The following PARD3 variants were observed in gnomAD, a reference collection of about 807,000 sequenced individuals.
PARD3 encodes the protein par-3 family cell polarity regulator.
In PARD3, 75 loss-of-function variants were observed where a neutral mutation model predicts 155.4. The observed-to-expected ratio is 0.48, with a 90% CI of 0.40 to 0.58. The LOEUF is 0.58. Ranked by LOEUF, PARD3 falls within the 20% of genes least tolerant of loss-of-function variation. The probability of loss-of-function intolerance (pLI) is 0.00; values close to 1 mark genes in which losing one functional copy is unlikely to be tolerated. For synonymous variants in PARD3, 576 were observed against 610.5 expected (o/e 0.94, Z 0.83); for missense variants, 1,642 against 1,721.7 (o/e 0.95, Z 0.82).
intron 22 of PARD3, among the ~76,000 whole-genome samples, chr10:34,265,905 C>G (rs1955277804): frequency 6.6e-6 from 1 of 152,116 alleles, no homozygotes; most frequent in Non-Finnish European, 1.5e-5. Flanking sequence ...AGAAATTCAA[C>G]AGAGAAAAGG....
In PARD3 at chr10:34,480,319, T is replaced by C. The variant is rs113540548; in HGVS notation, c.404-10056A>G. On this transcript the variant is annotated intron_variant, in intron 3 of 24. Transcript: ENST00000374788. ...TGCAAGATCACAGCTCACTGCAGCC[T>C]GGAACTCCTGGGCTTAGTGCTCCTC... Among the ~76,000 whole-genome samples the C allele has an allele frequency of 4.0e-3, 608 of 152,300 alleles. 3 individuals carry two copies. The highest frequency in any genetic ancestry group is 0.014 in the African/African-American group (565 of 41,568).
At chr10:34,745,140 T>C (rs760727927) in intron 1 of PARD3, among the ~76,000 whole-genome samples, 16 of 152,160 alleles carry the variant, frequency 1.1e-4, no homozygotes, top group Non-Finnish European at 1.9e-4. Context: ...GGCAGGAGGA[T>C]CACTTGAGGC....
At chr10:34,329,170 GACACTCT>G (rs1835352829) in intron 19 of PARD3, among the ~76,000 whole-genome samples, 1 of 152,088 alleles carries the variant, frequency 6.6e-6, no homozygotes, top group South Asian at 2.1e-4. Flanking sequence ...ATGTTGGTGG[GACACTCT>G]GGAGGCTATC....
intron 22 of PARD3, among the ~76,000 whole-genome samples, chr10:34,192,815 C>CCAAGTACTTCATAGAA (rs1310563570): frequency 6.6e-6 from 1 of 152,182 alleles, no homozygotes; most frequent in Non-Finnish European, 1.5e-5. Context: ...CCAAGTACCA[C>CCAAGTACTTCATAGAA]GTGCCATTTC....
intron 18 of PARD3, 77 bp downstream of exon 18, chr10:34,336,122 T>C (rs1160705018): frequency 1.1e-5 from 11 of 1,035,310 alleles, no homozygotes; most frequent in South Asian, 6.4e-5. Context: ...ACATGGCATA[T>C]GATTGGCAGC....
At chr10:34,426,455 G>A (rs1387591176) in intron 5 of PARD3, among the ~76,000 whole-genome samples, 1 of 152,080 alleles carries the variant, frequency 6.6e-6, no homozygotes, top group African/African-American at 2.4e-5. Flanking sequence ...GTATTTTTTT[G>A]TAGAAAAGAG....
At chr10:34,234,120 CT>C (rs1245011081) in intron 22 of PARD3, among the ~76,000 whole-genome samples, 2 of 152,024 alleles carry the variant, frequency 1.3e-5, no homozygotes, top group Non-Finnish European at 2.9e-5. Flanking sequence ...GATGTAACTA[CT>C]TTGTAATCAA....
chr10:34,181,337 C>T (rs1950257555), intron 22 of PARD3, among the ~76,000 whole-genome samples: 1 of 152,168 alleles, frequency 6.6e-6, no homozygotes, highest in Admixed American at 6.5e-5. Context: ...ATCCAGTTAA[C>T]AAAAGTTGGG....
At chr10:34,529,509 C>G (rs1052895726) in intron 2 of PARD3, among the ~76,000 whole-genome samples, 15 of 152,248 alleles carry the variant, frequency 9.9e-5, no homozygotes, top group African/African-American at 3.6e-4. Context: ...TAGAACAATG[C>G]AGGGATGCAA....
At chr10:34,605,724 C>CTATA (rs1349168845) in intron 2 of PARD3, among the ~76,000 whole-genome samples, 2 of 12,918 alleles carry the variant, frequency 1.5e-4, no homozygotes, top group Admixed American at 1.1e-3. Flanking sequence ...TATATATCTC[C>CTATA]TATATATATA....
intron 22 of PARD3, among the ~76,000 whole-genome samples, chr10:34,197,634 TTAAAG>T (rs1461861409): frequency 6.6e-6 from 1 of 152,240 alleles, no homozygotes; most frequent in Non-Finnish European, 1.5e-5. Flanking sequence ...CCAGGTTACC[TTAAAG>T]TATTTTTAAC....
At chr10:34,485,084 T>C (rs1340583210) in intron 3 of PARD3, among the ~76,000 whole-genome samples, 3 of 152,182 alleles carry the variant, frequency 2.0e-5, no homozygotes, top group Non-Finnish European at 2.9e-5. Flanking sequence ...ACATCTGTAA[T>C]CCCAACACTT....
At chr10:34,194,790 ATAGT>A (rs1449401337) in intron 22 of PARD3, among the ~76,000 whole-genome samples, 3 of 152,222 alleles carry the variant, frequency 2.0e-5, no homozygotes, top group Non-Finnish European at 4.4e-5. Flanking sequence ...TTAGATAGTT[ATAGT>A]TAAATACTTA....
At chr10:34,391,565 C>G (rs11009769) in intron 7 of PARD3, among the ~76,000 whole-genome samples, 68 of 152,064 alleles carry the variant, frequency 4.5e-4, no homozygotes, top group African/African-American at 1.5e-3. Flanking sequence ...TGGTATGTCT[C>G]AAGACCATCC....
At chr10:34,606,205 TGTGTGTA>T in intron 2 of PARD3, among the ~76,000 whole-genome samples, 1 of 114,058 alleles carries the variant, frequency 8.8e-6, no homozygotes, top group Admixed American at 9.0e-5. Flanking sequence ...TGTGTGTGTG[TGTGTGTA>T]GTTCTGTCCC....
chr10:34,637,384 T>C (rs972911850), intron 2 of PARD3, among the ~76,000 whole-genome samples: 1 of 152,230 alleles, frequency 6.6e-6, no homozygotes, highest in Non-Finnish European at 1.5e-5. Flanking sequence ...TTTTGAATGT[T>C]GTACAATGAG....
intron 20 of PARD3, among the ~76,000 whole-genome samples, chr10:34,312,738 G>C (rs1341364587): frequency 6.6e-6 from 1 of 152,124 alleles, no homozygotes; most frequent in Non-Finnish European, 1.5e-5. Flanking sequence ...TGCAGTGATA[G>C]GTTCTCAGCT....
chr10:34,690,370 G>A (rs1476262346), intron 2 of PARD3, among the ~76,000 whole-genome samples: 2 of 152,178 alleles, frequency 1.3e-5, no homozygotes, highest in African/African-American at 2.4e-5. Context: ...TCAAAAGACT[G>A]CAAAAATCAT....
chr10:34,248,752 T>C (rs935242045), intron 22 of PARD3, among the ~76,000 whole-genome samples: 3 of 152,220 alleles, frequency 2.0e-5, no homozygotes, highest in African/African-American at 4.8e-5. Flanking sequence ...AGACAGTCTA[T>C]ACTGAAAACT....
Sources: allele counts gnomAD v4.1 joint callset (sites outside exome capture counted in the v4.1 genomes callset), GRCh38; gene constraint gnomAD v4.1.1; transcripts MANE v1.5; gene names NCBI Gene and HGNC (gene_info 2026-07-23, HGNC 2026-07-21).